Variants in ZMYND8 observed in about 807,000 individuals in gnomAD.
ZMYND8 encodes the protein zinc finger MYND-type containing 8.
In ZMYND8, 37 loss-of-function variants were observed where a neutral mutation model predicts 140.8. That is an observed-to-expected ratio of 0.26 (90% CI 0.20 to 0.35). The LOEUF is 0.35. ZMYND8 is among the 10% of genes least tolerant of loss of function. ZMYND8 has a pLI of 1.00. For missense variants in ZMYND8, 1,068 were observed against 1,570.0 expected (o/e 0.68, Z 5.40); for synonymous variants, 592 against 597.1 (o/e 0.99, Z 0.12).
At chr20:47,327,729 C>T (rs919583002) in intron 2 of ZMYND8, among the ~76,000 whole-genome samples, 5 of 152,184 alleles carry the variant, frequency 3.3e-5, no homozygotes, top group Non-Finnish European at 2.9e-5. Flanking sequence ...TCCCGCCTGC[C>T]CACTTTGGGT....
At chr20:47,325,594 C>A (rs1057130073) in intron 2 of ZMYND8, among the ~76,000 whole-genome samples, 2 of 152,148 alleles carry the variant, frequency 1.3e-5, no homozygotes, top group Admixed American at 1.3e-4. Flanking sequence ...CTCCTTTCAA[C>A]AGGTACTCAG....
chr20:47,336,653 G>C (rs16992517), intron 2 of ZMYND8, among the ~76,000 whole-genome samples: 4 of 152,322 alleles, frequency 2.6e-5, no homozygotes, highest in Admixed American at 1.3e-4. Context: ...GGCCAGTCTC[G>C]CACAGGGAAT....
Position 47,294,706 on chromosome 20 carries a change from T to C in ZMYND8, c.527A>G (p.Tyr176Cys). Residue 176 changes from tyrosine to cysteine, a missense_variant, in exon 5 of 23, where the codon TAC (tyrosine) becomes TGC (cysteine). Physicochemically the swap from Tyr to Cys is radical, Grantham distance 194. Around this residue, in one of 10 missense-constraint regions of ZMYND8, gnomAD observed 109 missense variants for 314.9 expected, o/e 0.35. Coordinates refer to ENST00000471951, the MANE Select transcript of ZMYND8 (RefSeq NM_001281775.3). ...TTTCTGAATGGCAAACTTGAGCAGG[T>C]AGGATAACTGTTCAATGGTGAGCAT... is the stretch of plus-strand genomic sequence containing the variant. ...MTMLTIEQLSYLLKFAIQKMK... is the reference protein window; with the variant it reads ...MTMLTIEQLSCLLKFAIQKMK... The C allele has an allele frequency of 1.2e-6, 2 of 1,614,208 alleles. No homozygotes were observed. Among genetic ancestry groups the C allele is most frequent in the Non-Finnish European group, 1.7e-6 (2 of 1,180,026 alleles).
At chr20:47,240,138 G>A (rs1456620462) in intron 14 of ZMYND8, among the ~76,000 whole-genome samples, 4 of 152,170 alleles carry the variant, frequency 2.6e-5, no homozygotes, top group Non-Finnish European at 5.9e-5. Context: ...CTTGAACCCA[G>A]GAGGCGGAAG....
intron 11 of ZMYND8, among the ~76,000 whole-genome samples, chr20:47,275,926 A>G (rs1353125449): frequency 1.3e-5 from 2 of 152,152 alleles, no homozygotes; most frequent in South Asian, 2.1e-4. Flanking sequence ...ATTTTTTATC[A>G]TATGTGTTTC....
intron 21 of ZMYND8, among the ~76,000 whole-genome samples, chr20:47,213,472 T>C (rs1354262686): frequency 6.6e-6 from 1 of 152,226 alleles, no homozygotes; most frequent in Admixed American, 6.5e-5. Context: ...GTCATAATCA[T>C]ACAAGAAAGA....
intron 8 of ZMYND8, among the ~76,000 whole-genome samples, chr20:47,284,402 G>A (rs1370295822): frequency 6.6e-6 from 1 of 152,196 alleles, no homozygotes; most frequent in African/African-American, 2.4e-5. Flanking sequence ...GCCCAAAGGA[G>A]GGATGCGGGA....
chr20:47,342,033 G>A (rs190521853), intron 2 of ZMYND8, among the ~76,000 whole-genome samples: 1 of 151,906 alleles, frequency 6.6e-6, no homozygotes, highest in Non-Finnish European at 1.5e-5. Context: ...TTAGCCAGGC[G>A]TGGTGGTGTG....
At chr20:47,321,283 C>G (rs974949919) in intron 2 of ZMYND8, among the ~76,000 whole-genome samples, 1 of 152,136 alleles carries the variant, frequency 6.6e-6, no homozygotes, top group South Asian at 2.1e-4. Flanking sequence ...AACACTTTTA[C>G]GGGGCTCAGG....
At chr20:47,235,786 A>G (rs539924776) in intron 16 of ZMYND8, among the ~76,000 whole-genome samples, 1 of 152,178 alleles carries the variant, frequency 6.6e-6, no homozygotes, top group African/African-American at 2.4e-5. Flanking sequence ...GAGTTCACCA[A>G]CAACAGGCAA....
intron 2 of ZMYND8, among the ~76,000 whole-genome samples, chr20:47,313,384 A>G (rs957881403): frequency 6.6e-6 from 1 of 152,156 alleles, no homozygotes; most frequent in Non-Finnish European, 1.5e-5. Flanking sequence ...GCACTTTGGG[A>G]GGCCAAGGCG....
At chr20:47,312,348 C>T (rs969707701) in intron 2 of ZMYND8, among the ~76,000 whole-genome samples, 2 of 152,214 alleles carry the variant, frequency 1.3e-5, no homozygotes, top group Non-Finnish European at 2.9e-5. Context: ...CAGGATGGAA[C>T]TCTCCAGCCT....
At chr20:47,308,448 T>G (rs1375722106) in intron 3 of ZMYND8, among the ~76,000 whole-genome samples, 1 of 152,048 alleles carries the variant, frequency 6.6e-6, no homozygotes, top group Non-Finnish European at 1.5e-5. Context: ...CTCGAACTCC[T>G]GACCTCAGGC....
chr20:47,260,839 T>C (rs6066252), intron 12 of ZMYND8, among the ~76,000 whole-genome samples: 75,283 of 152,120 alleles, frequency 0.49, 19,083 homozygotes, highest in African/African-American at 0.61. Context: ...ACTTGCTTTG[T>C]ACTCTATTTC....
At chr20:47,221,177 A>T in intron 20 of ZMYND8, 137 bp downstream of exon 20, 1 of 1,213,738 alleles carries the variant, frequency 8.2e-7, no homozygotes, top group Non-Finnish European at 1.1e-6. Flanking sequence ...GTTCCCACAC[A>T]TCCACTGGAA....
chr20:47,346,753 C>T (rs571681331), intron 2 of ZMYND8, among the ~76,000 whole-genome samples: 1 of 152,172 alleles, frequency 6.6e-6, no homozygotes, highest in Non-Finnish European at 1.5e-5. Context: ...ATTACAGGCG[C>T]GTGCCACCAT....
intron 3 of ZMYND8, among the ~76,000 whole-genome samples, chr20:47,304,333 G>A (rs2078312933): frequency 6.6e-6 from 1 of 152,214 alleles, no homozygotes; most frequent in African/African-American, 2.4e-5. Flanking sequence ...GCTTCTATAA[G>A]GATAGTAAAT....
chr20:47,234,254 G>T (rs2038926176), intron 16 of ZMYND8, among the ~76,000 whole-genome samples: 1 of 152,224 alleles, frequency 6.6e-6, no homozygotes, highest in Non-Finnish European at 1.5e-5. Context: ...TCACGATGTT[G>T]CCCAGGCTGG....
intron 12 of ZMYND8, among the ~76,000 whole-genome samples, chr20:47,251,739 G>A (rs981422492): frequency 2.0e-5 from 3 of 151,904 alleles, no homozygotes; most frequent in Admixed American, 6.6e-5. Flanking sequence ...AGGGAGGAGC[G>A]CCTCTGCCCA....
Sources: allele counts gnomAD v4.1 joint callset (sites outside exome capture counted in the v4.1 genomes callset), GRCh38; gene constraint gnomAD v4.1.1; regional missense constraint gnomAD v4.1.1; transcripts MANE v1.5; gene names NCBI Gene and HGNC (gene_info 2026-07-23, HGNC 2026-07-21).